The following EIF2AK4 variants were observed in gnomAD, a reference collection of about 807,000 sequenced individuals.
EIF2AK4 encodes eIF-2-alpha kinase GCN2.
Under a neutral mutation model 211.1 loss-of-function variants are expected in EIF2AK4, and 139 were observed. That is an observed-to-expected ratio of 0.66 (90% CI 0.57 to 0.76). EIF2AK4 has a LOEUF of 0.76. EIF2AK4 is among the 30% of genes least tolerant of loss of function. The pLI, the probability that EIF2AK4 is intolerant of heterozygous loss-of-function variation, is 0.00. For missense variants in EIF2AK4, 1,664 were observed against 2,043.8 expected, an observed-to-expected ratio of 0.81 and a Z score of 3.58; for synonymous variants, 710 against 751.3, an observed-to-expected ratio of 0.94 and a Z score of 0.90.
Position 39,994,923 on chromosome 15 carries a change from C to G in EIF2AK4, c.2767-2041C>G, listed in dbSNP as rs552585182. On this transcript the variant is annotated intron_variant, in intron 18 of 38. Transcript: ENST00000263791. The stretch of plus-strand genomic sequence containing the variant: ...GCGGTGGGCCATCAGCTCACTGCAA[C>G]CTCCGCCTCCCAGGTTCAAGCAATT... Among the ~76,000 whole-genome samples, 130 of 152,202 alleles carry G rather than the reference C, an allele frequency of 8.5e-4. 1 individual carries two copies. The South Asian group carries it at 0.011, about 13-fold the overall frequency.
intron 6 of EIF2AK4, among the ~76,000 whole-genome samples, chr15:39,956,850 A>G (rs2034399172): frequency 6.6e-6 from 1 of 152,216 alleles, no homozygotes; most frequent in Admixed American, 6.5e-5. Flanking sequence ...ACCAAACTGA[A>G]GATTTATATA....
chr15:39,965,643 A>C (rs767392018), intron 7 of EIF2AK4, 43 bp from the exon 8 acceptor site: 1 of 1,606,606 alleles, frequency 6.2e-7, no homozygotes, highest in Admixed American at 1.7e-5. Context: ...CCAAGAGAAA[A>C]CATACCAGTG....
At chr15:39,945,401 A>G (rs914604833) in intron 3 of EIF2AK4, among the ~76,000 whole-genome samples, 1 of 152,238 alleles carries the variant, frequency 6.6e-6, no homozygotes, top group Non-Finnish European at 1.5e-5. Flanking sequence ...TTTACGCCAA[A>G]GCATAATCTG....
chr15:39,934,156 C>T lies in EIF2AK4; in HGVS notation c.-40C>T. 1 of 1,286,004 alleles carries T rather than the reference C, an allele frequency of 7.8e-7. No individual in the cohort carries two copies. Among genetic ancestry groups the T allele is most frequent in the Non-Finnish European group, 9.8e-7 (1 of 1,022,030 alleles). 79.7% of individuals were successfully genotyped at this position (1,286,004 alleles called of 1,614,324 possible). A position where few individuals can be genotyped will look rare whatever the true frequency, so the allele number is the denominator to read the frequency against. On this transcript the variant is annotated 5_prime_UTR_variant, in exon 1 of 39. Transcript: ENST00000263791. ...CCGCAGGCTGCCGGGGGCCCACCGCCGCCCAGGCAAGGCCGCCCTGCCTTG... is the reference window on the plus strand; with the variant it reads ...CCGCAGGCTGCCGGGGGCCCACCGCTGCCCAGGCAAGGCCGCCCTGCCTTG...
chr15:40,015,851 T>G (rs1408769317), intron 27 of EIF2AK4, among the ~76,000 whole-genome samples: 1 of 152,232 alleles, frequency 6.6e-6, no homozygotes, highest in Non-Finnish European at 1.5e-5. Flanking sequence ...TTTCTGGCTT[T>G]ATGACTATGG....
At chr15:39,993,543 C>T (rs2034980231) in intron 18 of EIF2AK4, among the ~76,000 whole-genome samples, 1 of 152,072 alleles carries the variant, frequency 6.6e-6, no homozygotes, top group South Asian at 2.1e-4. Context: ...TGGTAAGGAG[C>T]AGAGGAAACT....
chr15:40,025,435 TC>T (rs1160845246), intron 32 of EIF2AK4, among the ~76,000 whole-genome samples: 1 of 152,102 alleles, frequency 6.6e-6, no homozygotes, highest in East Asian at 1.9e-4. Context: ...ATAAAGAATA[TC>T]AAACTAGCCT....
rs4566130 is a variant in EIF2AK4, at chr15:39,968,007, C to T, written c.1553+128C>T. On this transcript the variant is annotated intron_variant, in intron 9 of 38. Coordinates refer to ENST00000263791, the MANE Select transcript of EIF2AK4 (RefSeq NM_001013703.4). ...GAACAGGACTTCATTCTTTGCTCTC[C>T]CAATCCTGTCCTAGTCTCATATGTT... 40,402 of 887,252 alleles carry T rather than the reference C, an allele frequency of 0.046. 3,002 individuals are homozygous for T. The highest frequency in any genetic ancestry group is 0.25 in the Admixed American group (9,273 of 37,768). The allele number at this position is 887,252 out of a possible 1,614,324, so 55.0% of individuals were successfully genotyped here. A position where few individuals can be genotyped will look rare whatever the true frequency, so the allele number is the denominator to read the frequency against.
At chr15:40,023,695 C>T (rs2035424801) in intron 32 of EIF2AK4, among the ~76,000 whole-genome samples, 1 of 152,168 alleles carries the variant, frequency 6.6e-6, no homozygotes, top group Admixed American at 6.5e-5. Flanking sequence ...AGAGATTGAT[C>T]AGTTTTGTCT....
At chr15:39,967,226 T>G in intron 8 of EIF2AK4, 118 bp from the exon 9 acceptor site, 1 of 1,196,100 alleles carries the variant, frequency 8.4e-7, no homozygotes, top group Non-Finnish European at 1.1e-6. Flanking sequence ...TCACTTTTGG[T>G]TTTGGTTTTG....
intron 29 of EIF2AK4, among the ~76,000 whole-genome samples, chr15:40,017,547 A>ATGTATG (rs1361348564): frequency 0.025 from 1,360 of 55,048 alleles, 91 homozygotes; most frequent in Non-Finnish European, 0.039. Context: ...ATATATATAT[A>ATGTATG]TATATATGTA....
At chr15:40,017,964 A>G (rs188572065) in intron 29 of EIF2AK4, among the ~76,000 whole-genome samples, 1 of 152,326 alleles carries the variant, frequency 6.6e-6, no homozygotes, top group East Asian at 1.9e-4. Context: ...TAATCAAGGT[A>G]CAGAACTATT....
At chr15:39,934,394 T>C in intron 1 of EIF2AK4, 55 bp downstream of exon 1, 1 of 1,548,300 alleles carries the variant, frequency 6.5e-7, no homozygotes, top group South Asian at 1.2e-5. Flanking sequence ...CCCCGGGCCC[T>C]GGGCCAAAGC....
rs1224519002 is a variant in EIF2AK4, at chr15:40,034,363, A to G, written c.4811A>G (p.Lys1604Arg). 10 of 1,614,134 alleles carry G rather than the reference A, an allele frequency of 6.2e-6. No homozygotes were observed. In the South Asian group the frequency reaches 8.8e-5, roughly 14 times the overall value. ...ADEQAFNTTV[K>R]QLLSRLPKQR... ...GAACAGGCATTTAACACAACTGTGA[A>G]GCAGCTGCTGTCACGCCTGCCAAAG... The change falls in exon 38 of 39, where the codon AAG becomes AGG. Residue 1604 changes from lysine (K) to arginine (R), a missense_variant. Physicochemically the swap from Lys to Arg is conservative, Grantham distance 26 (BLOSUM62 2). Coordinates refer to ENST00000263791, the MANE Select transcript of EIF2AK4 (RefSeq NM_001013703.4).
chr15:39,954,273 G>A (rs186373206), intron 5 of EIF2AK4, among the ~76,000 whole-genome samples: 2 of 152,130 alleles, frequency 1.3e-5, no homozygotes, highest in Admixed American at 6.5e-5. Flanking sequence ...TTTTTTTTGA[G>A]ACAGAGTCTC....
At chr15:39,983,603 C>T (rs2034824329) in intron 13 of EIF2AK4, among the ~76,000 whole-genome samples, 1 of 152,184 alleles carries the variant, frequency 6.6e-6, no homozygotes, top group African/African-American at 2.4e-5. Context: ...CCACCATGCC[C>T]AGCTAATTTT....
chr15:39,986,874 C>CAAAA (rs761107641), intron 14 of EIF2AK4, among the ~76,000 whole-genome samples: 1 of 147,146 alleles, frequency 6.8e-6, no homozygotes, highest in Non-Finnish European at 1.5e-5. Context: ...ACAACAACAA[C>CAAAA]AACAACAAAA....
chr15:40,029,550 C>A, intron 34 of EIF2AK4, 86 bp downstream of exon 34: 1 of 1,351,158 alleles, frequency 7.4e-7, no homozygotes, highest in Non-Finnish European at 1.0e-6. Context: ...GCTTGTGACA[C>A]TGGAAATCTA....
chr15:39,956,900 G>A (rs895942641), intron 6 of EIF2AK4, among the ~76,000 whole-genome samples: 1 of 152,070 alleles, frequency 6.6e-6, no homozygotes, highest in Non-Finnish European at 1.5e-5. Flanking sequence ...AGCCATTTTA[G>A]TTCTTTCCCT....
Sources: gnomAD v4.1 joint callset for allele counts (sites outside exome capture counted in the v4.1 genomes callset) on GRCh38, gnomAD v4.1.1 for gene constraint, MANE v1.5 for transcripts, NCBI Gene and HGNC (gene_info 2026-07-23, HGNC 2026-07-21) for gene names.